Variants in MAF observed in about 807,000 individuals in gnomAD.
MAF encodes the protein MAF bZIP transcription factor.
Under a neutral mutation model 22.0 loss-of-function variants are expected in MAF, and 10 were observed. That is an observed-to-expected ratio of 0.45 (90% CI 0.28 to 0.77). MAF has a LOEUF of 0.77. Ranked by LOEUF, MAF falls within the 30% of genes least tolerant of loss-of-function variation. The probability of loss-of-function intolerance (pLI) is 0.12; values close to 1 mark genes in which losing one functional copy is unlikely to be tolerated. For synonymous variants in MAF, 337 were observed against 255.8 expected (o/e 1.32, Z -3.03); for missense variants, 544 against 548.4 (o/e 0.99, Z 0.08).
the MAF span, among the ~76,000 whole-genome samples, chr16:79,510,167 T>G: frequency 6.6e-6 from 1 of 152,224 alleles, no homozygotes; most frequent in Admixed American, 6.5e-5. Flanking sequence ...ATCCCCTGTA[T>G]GGATTGTGAG....
chr16:79,534,092 A>G, the MAF span, among the ~76,000 whole-genome samples: 1 of 152,258 alleles, frequency 6.6e-6, no homozygotes, highest in African/African-American at 2.4e-5. Flanking sequence ...GAAAGAGATC[A>G]GAATCTACTT....
At chr16:79,338,487 G>A in the MAF span, among the ~76,000 whole-genome samples, 1 of 152,282 alleles carries the variant, frequency 6.6e-6, no homozygotes, top group Admixed American at 6.5e-5. Flanking sequence ...AATCTACTAT[G>A]CTTTAGGCAA....
At chr16:79,573,693 CCAGT>C in the MAF span, among the ~76,000 whole-genome samples, 1 of 152,038 alleles carries the variant, frequency 6.6e-6, no homozygotes, top group Non-Finnish European at 1.5e-5. Flanking sequence ...TGACAACAAA[CCAGT>C]CAGAGAAAAA....
chr16:79,426,704 A>T, the MAF span, among the ~76,000 whole-genome samples: 241 of 152,318 alleles, frequency 1.6e-3, no homozygotes, highest in African/African-American at 5.5e-3. Flanking sequence ...ACAGAGATTG[A>T]TTCACAGAAG....
the MAF span, among the ~76,000 whole-genome samples, chr16:79,242,290 G>A: frequency 6.6e-6 from 1 of 150,468 alleles, no homozygotes; most frequent in Non-Finnish European, 1.5e-5. Flanking sequence ...GTATTCAGGA[G>A]ACCCATCTCA....
chr16:79,269,041 A>G, the MAF span, among the ~76,000 whole-genome samples: 1 of 151,998 alleles, frequency 6.6e-6, no homozygotes, highest in Non-Finnish European at 1.5e-5. Context: ...CAATCTTTCT[A>G]CCTTTTCTTG....
chr16:79,206,414 G>A, the MAF span: 2 of 152,310 alleles, frequency 1.3e-5, no homozygotes, highest in African/African-American at 2.4e-5. Context: ...GGCTTTGGAC[G>A]AGTTGCTTTT....
the MAF span, among the ~76,000 whole-genome samples, chr16:79,322,532 C>T: frequency 2.6e-5 from 4 of 152,172 alleles, no homozygotes; most frequent in African/African-American, 9.7e-5. Flanking sequence ...ATATTAAATA[C>T]CTCCTATGAG....
chr16:79,358,738 G>C, the MAF span, among the ~76,000 whole-genome samples: 55 of 152,330 alleles, frequency 3.6e-4, no homozygotes, highest in African/African-American at 1.2e-3. Flanking sequence ...AAGACTGTTG[G>C]CTTTATCATG....
chr16:79,286,242 C>T, the MAF span, among the ~76,000 whole-genome samples: 1 of 152,162 alleles, frequency 6.6e-6, no homozygotes, highest in African/African-American at 2.4e-5. Flanking sequence ...TCCAAAGACT[C>T]TCCCCAGAAA....
chr16:79,520,789 C>T, the MAF span, among the ~76,000 whole-genome samples: 2 of 152,258 alleles, frequency 1.3e-5, no homozygotes, highest in East Asian at 1.9e-4. Context: ...ACACCCAGGG[C>T]ACCCAACTGC....
At chr16:79,537,798 G>A in the MAF span, among the ~76,000 whole-genome samples, 1 of 152,300 alleles carries the variant, frequency 6.6e-6, no homozygotes, top group East Asian at 1.9e-4. Flanking sequence ...CGAGGTCACA[G>A]ATAGAATGTG....
chr16:79,282,684 G>T, the MAF span, among the ~76,000 whole-genome samples: 1 of 152,280 alleles, frequency 6.6e-6, no homozygotes, highest in Non-Finnish European at 1.5e-5. Flanking sequence ...TTTGTCATAT[G>T]ATCTCTCCAA....
At chr16:79,206,169 G>T in the MAF span, 1 of 152,136 alleles carries the variant, frequency 6.6e-6, no homozygotes, top group East Asian at 1.9e-4. Flanking sequence ...GTGAACACAC[G>T]ACAGCCCCCA....
At chr16:79,340,793 G>T in the MAF span, among the ~76,000 whole-genome samples, 1 of 152,068 alleles carries the variant, frequency 6.6e-6, no homozygotes, top group Non-Finnish European at 1.5e-5. Context: ...ATGTCTTCAG[G>T]CATTGCTAGA....
At chr16:79,400,867 T>C in the MAF span, among the ~76,000 whole-genome samples, 1 of 152,236 alleles carries the variant, frequency 6.6e-6, no homozygotes, top group African/African-American at 2.4e-5. Flanking sequence ...TGGGGTATCT[T>C]CCGGGGAAGG....
the MAF span, among the ~76,000 whole-genome samples, chr16:79,269,847 G>A: frequency 6.6e-6 from 1 of 152,154 alleles, no homozygotes; most frequent in African/African-American, 2.4e-5. Context: ...TTATAGGCAA[G>A]CCTCTAAGGG....
chr16:79,227,264 T>A, the MAF span, among the ~76,000 whole-genome samples: 4 of 151,998 alleles, frequency 2.6e-5, no homozygotes, highest in Non-Finnish European at 5.9e-5. Flanking sequence ...GGTAGGGGGA[T>A]CGCCTGGGCC....
chr16:79,297,635 T>C, the MAF span, among the ~76,000 whole-genome samples: 2 of 152,320 alleles, frequency 1.3e-5, no homozygotes, highest in East Asian at 1.9e-4. Context: ...AGAAAAGTAC[T>C]TAGTAGAGTG....
Sources: gnomAD v4.1 joint callset for allele counts (sites outside exome capture counted in the v4.1 genomes callset) on GRCh38, gnomAD v4.1.1 for gene constraint, MANE v1.5 for transcripts, NCBI Gene and HGNC (gene_info 2026-07-23, HGNC 2026-07-21) for gene names.